Variants in PCDHAC1 observed in about 807,000 individuals in gnomAD.
PCDHAC1 encodes the protein protocadherin alpha subfamily C, 1.
PCDHAC1 carries 42 observed loss-of-function variants against 60.0 expected under a neutral mutation model. The observed-to-expected ratio is 0.70, with a 90% CI of 0.55 to 0.90. The LOEUF is 0.90. Ranked by LOEUF, PCDHAC1 falls within the 40% of genes least tolerant of loss-of-function variation. The probability of loss-of-function intolerance (pLI) is 0.00; values close to 1 mark genes in which losing one functional copy is unlikely to be tolerated. For missense variants in PCDHAC1, 1,160 were observed against 1,222.3 expected, an observed-to-expected ratio of 0.95 and a Z score of 0.76; for synonymous variants, 468 against 499.3, an observed-to-expected ratio of 0.94 and a Z score of 0.84.
intron 1 of PCDHAC1, chr5:140,930,511 C>G (rs2086907383): frequency 6.6e-6 from 1 of 152,616 alleles, no homozygotes; most frequent in African/African-American, 2.4e-5. Context: ...GCATGAGCCA[C>G]TGCAGCTGGC....
At chr5:140,967,188 TCAACGA>T in intron 1 of PCDHAC1, 1 of 1,613,420 alleles carries the variant, frequency 6.2e-7, no homozygotes, top group Non-Finnish European at 8.5e-7. Flanking sequence ...ATATTGGACA[TCAACGA>T]CAACTCACCG....
intron 1 of PCDHAC1, chr5:140,967,594 G>A: frequency 6.2e-7 from 1 of 1,614,142 alleles, no homozygotes; most frequent in Non-Finnish European, 8.5e-7. Flanking sequence ...GCACATTGGT[G>A]GTGAAGCTGA....
At chr5:140,999,947 G>A (rs993598998) in intron 3 of PCDHAC1, among the ~76,000 whole-genome samples, 1 of 152,110 alleles carries the variant, frequency 6.6e-6, no homozygotes, top group Non-Finnish European at 1.5e-5. Flanking sequence ...CACCCAAAGA[G>A]GGTGAAATAC....
At chr5:141,000,080 G>C (rs1554257118) in intron 3 of PCDHAC1, among the ~76,000 whole-genome samples, 1 of 152,068 alleles carries the variant, frequency 6.6e-6, no homozygotes, top group Non-Finnish European at 1.5e-5. Flanking sequence ...ACAATGCTAG[G>C]CCTGTGAATG....
intron 3 of PCDHAC1, among the ~76,000 whole-genome samples, chr5:140,983,261 CT>C (rs1240749572): frequency 7.9e-5 from 12 of 152,158 alleles, no homozygotes; most frequent in Admixed American, 7.9e-4. Context: ...TGTAAAAAAC[CT>C]AATGGCTGGG....
intron 3 of PCDHAC1, among the ~76,000 whole-genome samples, chr5:141,008,176 C>T (rs2098363819): frequency 6.6e-6 from 1 of 152,032 alleles, no homozygotes; most frequent in East Asian, 1.9e-4. Context: ...AAAATGTGAC[C>T]ATTGATTGTG....
chr5:140,990,825 AAGCCTATTAGCAAAAATAG>A (rs2097418390), intron 3 of PCDHAC1, among the ~76,000 whole-genome samples: 1 of 152,202 alleles, frequency 6.6e-6, no homozygotes, highest in Non-Finnish European at 1.5e-5. Flanking sequence ...CTCTCAGCTA[AAGCCTATTAGCAAAAATAG>A]AGCCCTGAGG....
chr5:140,937,378 G>T (rs1248709474), intron 1 of PCDHAC1, among the ~76,000 whole-genome samples: 1 of 152,130 alleles, frequency 6.6e-6, no homozygotes, highest in African/African-American at 2.4e-5. Context: ...GTTTATGTGT[G>T]TGTATGTGTA....
intron 1 of PCDHAC1, among the ~76,000 whole-genome samples, chr5:140,936,010 A>G (rs1470244912): frequency 6.6e-6 from 1 of 150,776 alleles, no homozygotes; most frequent in Non-Finnish European, 1.5e-5. Context: ...CTCCCACCTC[A>G]GCCTCCCGAG....
intron 1 of PCDHAC1, among the ~76,000 whole-genome samples, chr5:140,930,807 A>G (rs2087132034): frequency 6.6e-6 from 1 of 152,206 alleles, no homozygotes; most frequent in Non-Finnish European, 1.5e-5. Flanking sequence ...AGCATATAAG[A>G]TATGCTTAGT....
intron 1 of PCDHAC1, chr5:140,929,687 C>T (rs2086294433): frequency 3.5e-6 from 1 of 288,138 alleles, no homozygotes; most frequent in African/African-American, 2.2e-5. Flanking sequence ...ATGTAAGAGT[C>T]TGCTTTATAT....
chr5:140,984,164 A>G (rs1471799520), intron 3 of PCDHAC1, among the ~76,000 whole-genome samples: 1 of 152,208 alleles, frequency 6.6e-6, no homozygotes, highest in Non-Finnish European at 1.5e-5. Context: ...GAACTTCCCA[A>G]AGAAGCCACG....
intron 3 of PCDHAC1, among the ~76,000 whole-genome samples, chr5:140,989,698 A>G (rs145222021): frequency 6.6e-6 from 1 of 152,344 alleles, no homozygotes; most frequent in African/African-American, 2.4e-5. Flanking sequence ...TGAAAATTTT[A>G]TCTTCAGAGG....
chr5:140,984,428 G>A (rs2097103075), intron 3 of PCDHAC1, among the ~76,000 whole-genome samples: 1 of 152,100 alleles, frequency 6.6e-6, no homozygotes, highest in African/African-American at 2.4e-5. Context: ...ATAGAGAAGG[G>A]GATCTCCCTT....
chr5:140,971,928 T>C (rs1318885872), intron 1 of PCDHAC1, among the ~76,000 whole-genome samples: 1 of 152,186 alleles, frequency 6.6e-6, no homozygotes, highest in Non-Finnish European at 1.5e-5. Flanking sequence ...GCTAGTGTTA[T>C]TTTAAGTTGT....
chr5:140,926,562 C>CT lies in PCDHAC1; in HGVS notation c.-330dup, dbSNP rs1271947865. 1.6e-5 allele frequency: 4 copies of CT among 250,352 alleles called. No individual in the cohort carries two copies. Among genetic ancestry groups the CT allele is most frequent in the African/African-American group, 8.9e-5 (4 of 44,742 alleles). The allele number at this position is 250,352 out of a possible 1,614,324, so 15.5% of individuals were successfully genotyped here. ...TGGTGGTCGAGACCCCAGCCCGCTG[C>CT]TACTGGAGACAGCACCTCTCGCGCC... is the stretch of plus-strand genomic sequence containing the variant. On this transcript the variant is annotated 5_prime_UTR_variant, in exon 1 of 4. Transcript: ENST00000253807.
At chr5:140,965,066 G>A (rs931765352) in intron 1 of PCDHAC1, among the ~76,000 whole-genome samples, 3 of 152,164 alleles carry the variant, frequency 2.0e-5, no homozygotes, top group Non-Finnish European at 4.4e-5. Flanking sequence ...CAAATGTCAG[G>A]TCTCACTCTG....
chr5:140,927,277 G>T lies in PCDHAC1; in HGVS notation c.385G>T (p.Val129Leu). 6.2e-7 allele frequency: 1 copy of T among 1,614,016 alleles called. No individual in the cohort carries two copies. Among genetic ancestry groups the T allele is most frequent in the Non-Finnish European group, 8.5e-7 (1 of 1,180,008 alleles). Residue 129 changes from valine (V) to leucine (L), a missense_variant, in exon 1 of 4, where the codon GTG (valine) becomes TTG (leucine). Val to Leu is a conservative substitution (Grantham distance 32). Coordinates refer to ENST00000253807, the MANE Select transcript of PCDHAC1 (RefSeq NM_018898.5). ...DNSPLFPAGD[V>L]QLHIPEFLTP... ...CTCACCTCTCTTTCCTGCCGGCGACGTGCAGCTGCACATCCCCGAGTTCCT... is the reference window on the plus strand; with the variant it reads ...CTCACCTCTCTTTCCTGCCGGCGACTTGCAGCTGCACATCCCCGAGTTCCT...
chr5:141,006,233 A>G (rs1311441986), intron 3 of PCDHAC1, among the ~76,000 whole-genome samples: 2 of 151,044 alleles, frequency 1.3e-5, no homozygotes, highest in African/African-American at 4.9e-5. Flanking sequence ...TTATTTTTAG[A>G]TGGAGTCTTG....
Sources: allele counts gnomAD v4.1 joint callset (sites outside exome capture counted in the v4.1 genomes callset), GRCh38; gene constraint gnomAD v4.1.1; transcripts MANE v1.5; gene names NCBI Gene and HGNC (gene_info 2026-07-23, HGNC 2026-07-21).